The following NPAS3 variants were observed in gnomAD, a reference collection of about 807,000 sequenced individuals.
NPAS3 encodes neuronal PAS domain protein 3, also known as neuronal PAS domain-containing protein 3.
In NPAS3, 14 loss-of-function variants were observed where a neutral mutation model predicts 73.1. The observed-to-expected ratio is 0.19, with a 90% confidence interval of 0.13 to 0.30. The LOEUF (loss-of-function observed/expected upper bound fraction) is 0.30, where lower values mean the gene tolerates loss of function less well. NPAS3 is among the 10% of genes least tolerant of loss of function. NPAS3 has a pLI of 1.00. For synonymous variants in NPAS3, 620 were observed against 541.5 expected (o/e 1.14, Z -2.01); for missense variants, 1,096 against 1,250.0 (o/e 0.88, Z 1.86).
intron 3 of NPAS3, among the ~76,000 whole-genome samples, chr14:33,230,226 C>T (rs555027337): frequency 3.9e-5 from 6 of 152,240 alleles, no homozygotes; most frequent in East Asian, 1.9e-4. Context: ...ATGCCAGAAG[C>T]GTTTACACAA....
At chr14:33,624,918 A>C (rs1386961557) in intron 5 of NPAS3, among the ~76,000 whole-genome samples, 1 of 152,178 alleles carries the variant, frequency 6.6e-6, no homozygotes, top group Non-Finnish European at 1.5e-5. Flanking sequence ...TTATTAAATA[A>C]ATTAATATTG....
chr14:33,793,365 G>A (rs963183610), intron 9 of NPAS3, among the ~76,000 whole-genome samples: 6 of 152,196 alleles, frequency 3.9e-5, no homozygotes, highest in Non-Finnish European at 5.9e-5. Flanking sequence ...TAGTTCATCG[G>A]AGGACTATAA....
At chr14:33,410,703 T>C (rs889767250) in intron 4 of NPAS3, among the ~76,000 whole-genome samples, 4 of 152,182 alleles carry the variant, frequency 2.6e-5, no homozygotes, top group Non-Finnish European at 5.9e-5. Context: ...TGGAGTGCAA[T>C]GGCACAATCT....
chr14:33,316,475 T>A (rs1594674410), intron 3 of NPAS3, among the ~76,000 whole-genome samples: 1 of 152,096 alleles, frequency 6.6e-6, no homozygotes, highest in African/African-American at 2.4e-5. Flanking sequence ...TTATCATGAG[T>A]TCAGATTGTA....
At chr14:32,987,165 G>A (rs538744542) in intron 1 of NPAS3, among the ~76,000 whole-genome samples, 2 of 151,528 alleles carry the variant, frequency 1.3e-5, no homozygotes, top group African/African-American at 4.9e-5. Context: ...TATAAAAGTC[G>A]GAAGGCTTTA....
intron 2 of NPAS3, among the ~76,000 whole-genome samples, chr14:33,155,986 G>A (rs1351793913): frequency 6.6e-6 from 1 of 152,010 alleles, no homozygotes. Context: ...TGTATTGCTT[G>A]GCAAAGATAG....
intron 2 of NPAS3, among the ~76,000 whole-genome samples, chr14:33,202,893 A>T (rs1368502303): frequency 6.6e-6 from 1 of 152,170 alleles, no homozygotes; most frequent in Non-Finnish European, 1.5e-5. Flanking sequence ...TCAAGAACTT[A>T]TTCTGTTAGA....
intron 3 of NPAS3, among the ~76,000 whole-genome samples, chr14:33,327,409 GCTTAAATACAAATTA>G (rs1262265355): frequency 2.0e-5 from 3 of 152,098 alleles, no homozygotes; most frequent in African/African-American, 7.2e-5. Context: ...TAAATACCTG[GCTTAAATACAAATTA>G]CTTAAATACA....
At chr14:33,301,323 T>TATATA (rs1555370644) in intron 3 of NPAS3, among the ~76,000 whole-genome samples, 26 of 81,510 alleles carry the variant, frequency 3.2e-4, no homozygotes, top group South Asian at 4.3e-4. Context: ...TATATATATA[T>TATATA]TTTTTTTTTT....
chr14:33,542,786 G>T (rs2054582094), intron 4 of NPAS3, among the ~76,000 whole-genome samples: 1 of 152,176 alleles, frequency 6.6e-6, no homozygotes, highest in Admixed American at 6.5e-5. Context: ...GCACATGATG[G>T]GAGGGAGGTG....
chr14:33,735,353 G>A, intron 7 of NPAS3, 21 bp downstream of exon 7: 1 of 1,540,398 alleles, frequency 6.5e-7, no homozygotes, highest in Non-Finnish European at 9.0e-7. Flanking sequence ...TCCGGGAGGG[G>A]AGACATTGCT....
At chr14:32,939,565 G>T (rs1286871745) in intron 1 of NPAS3, among the ~76,000 whole-genome samples, 199 bp downstream of exon 1, 3 of 144,714 alleles carry the variant, frequency 2.1e-5, no homozygotes, top group African/African-American at 7.6e-5. Context: ...CTCTGGCGGC[G>T]GCCGGGCTCT....
At chr14:33,111,014 C>G (rs983917329) in intron 2 of NPAS3, among the ~76,000 whole-genome samples, 2 of 152,150 alleles carry the variant, frequency 1.3e-5, no homozygotes, top group Admixed American at 6.5e-5. Flanking sequence ...GGCTGAACCT[C>G]AGACCTCTGA....
intron 2 of NPAS3, among the ~76,000 whole-genome samples, chr14:33,154,983 T>G (rs2044595829): frequency 6.6e-6 from 1 of 152,206 alleles, no homozygotes; most frequent in South Asian, 2.1e-4. Context: ...CAATTTGAGT[T>G]TCTTAGAGTT....
chr14:33,128,798 G>C (rs1204414568), intron 2 of NPAS3, among the ~76,000 whole-genome samples: 1 of 152,030 alleles, frequency 6.6e-6, no homozygotes, highest in Non-Finnish European at 1.5e-5. Flanking sequence ...CTTGTCTCTG[G>C]TGTTACTTTT....
rs561794964 is a variant in NPAS3 at position 33,209,006 on chromosome 14, AATG to A, written c.141-6171_141-6169del. Among the ~76,000 whole-genome samples the A allele has an allele frequency of 3.9e-4, 59 of 152,324 alleles. No homozygotes were observed. In the South Asian group the frequency reaches 6.2e-3, roughly 16 times the overall value. ...ATGTTTACAGAGGCTAACATAAATT[AATG>A]ATGACAGCTATGAGCAGCGCATTAG... On this transcript the variant is annotated intron_variant, in intron 2 of 11. Transcript: ENST00000356141.
At chr14:33,531,841 C>A (rs8004056) in intron 4 of NPAS3, among the ~76,000 whole-genome samples, 6 of 152,048 alleles carry the variant, frequency 3.9e-5, no homozygotes, top group South Asian at 2.1e-4. Context: ...GATTGTCAGC[C>A]TTCTGTTTTT....
chr14:33,452,995 C>T (rs1159322702), intron 4 of NPAS3, among the ~76,000 whole-genome samples: 2 of 152,056 alleles, frequency 1.3e-5, no homozygotes, highest in East Asian at 1.9e-4. Flanking sequence ...ATGGCTTTTT[C>T]CCTTGCTGGG....
At chr14:33,054,086 A>G (rs2040801340) in intron 1 of NPAS3, among the ~76,000 whole-genome samples, 1 of 152,190 alleles carries the variant, frequency 6.6e-6, no homozygotes, top group South Asian at 2.1e-4. Context: ...GCTCAAAACA[A>G]CTTCTCAGGA....
Sources: allele counts gnomAD v4.1 joint callset (sites outside exome capture counted in the v4.1 genomes callset), GRCh38; gene constraint gnomAD v4.1.1; transcripts MANE v1.5; gene names NCBI Gene and HGNC (gene_info 2026-07-23, HGNC 2026-07-21).